Variants in MMP17 observed in about 807,000 individuals in gnomAD.
MMP17 encodes the protein matrix metalloproteinase-17.
Under a neutral mutation model 49.1 loss-of-function variants are expected in MMP17, and 54 were observed. The ratio of observed to expected loss-of-function variants is 1.10; its 90% CI spans 0.88 to 1.38. The LOEUF (loss-of-function observed/expected upper bound fraction) is 1.38. MMP17 is among the 40% of genes most tolerant of loss of function. The probability of loss-of-function intolerance (pLI) is 0.00; values close to 1 mark genes in which losing one functional copy is unlikely to be tolerated. For synonymous variants in MMP17, 397 were observed against 383.1 expected (o/e 1.04, Z -0.42); for missense variants, 837 against 853.7 (o/e 0.98, Z 0.24).
chr12:131,828,517 G>A lies in MMP17; in HGVS notation c.23G>A (p.Gly8Glu). The change falls in exon 1 of 10, where the codon GGA becomes GAA. Residue 8 changes from glycine to glutamate, a missense_variant. Coordinates refer to ENST00000360564, the MANE Select transcript of MMP17 (RefSeq NM_016155.7). MRRRAAR[G>E]PGPPPPGPGL... The stretch of plus-strand genomic sequence containing the variant: ...GCCATGCGGCGCCGCGCAGCCCGGG[G>A]ACCCGGCCCGCCGCCCCCAGGGCCC... The A allele has an allele frequency of 2.0e-6, 2 of 995,598 alleles. No homozygotes were observed. The highest frequency in any genetic ancestry group is 2.4e-6 in the Non-Finnish European group (2 of 838,076). 61.7% of individuals were successfully genotyped at this position (995,598 alleles called of 1,614,324 possible). A position where few individuals can be genotyped will look rare whatever the true frequency, so the allele number is the denominator to read the frequency against.
rs1288321565 is a variant in MMP17, at chr12:131,843,993, G to T, written c.884-4G>T. 1 of 1,548,712 alleles carries T rather than the reference G, an allele frequency of 6.5e-7. No homozygotes were observed. The highest frequency in any genetic ancestry group is 8.7e-7 in the Non-Finnish European group (1 of 1,148,130). The stretch of plus-strand genomic sequence containing the variant: ...GAGGCCGTCCTCCTCCTTGTCTCCC[G>T]CAGGTGTGCGGGAGTCTGTGTCTCC... On this transcript the variant is annotated splice_region_variant and splice_polypyrimidine_tract_variant and intron_variant, in intron 5 of 9. Coordinates refer to ENST00000360564, the MANE Select transcript of MMP17 (RefSeq NM_016155.7).
Position 131,851,116 on chromosome 12 carries a change from A to G in MMP17, c.1654A>G (p.Ser552Gly). 6.3e-7 allele frequency: 1 copy of G among 1,591,554 alleles called. No homozygotes were observed. The highest frequency in any genetic ancestry group is 8.5e-7 in the Non-Finnish European group (1 of 1,169,766). ...PRAPPGQHDQSRSEDGYEVCS... is the reference protein window; with the variant it reads ...PRAPPGQHDQGRSEDGYEVCS... ...CGCCCCTCCAGGACAACATGACCAG[A>G]GCCGCTCGGAGGACGGTTACGAGGT... Residue 552 changes from serine to glycine, a missense_variant, in exon 10 of 10, where the codon AGC (serine) becomes GGC (glycine). By Grantham distance (56) the Ser-to-Gly change is moderately conservative (BLOSUM62 0). Coordinates refer to ENST00000360564, the MANE Select transcript of MMP17 (RefSeq NM_016155.7).
chr12:131,833,020 G>T (rs1239146034), intron 1 of MMP17, among the ~76,000 whole-genome samples: 1 of 152,192 alleles, frequency 6.6e-6, no homozygotes, highest in Admixed American at 6.5e-5. Flanking sequence ...CAGCACAGTG[G>T]TCACAGGCGG....
At chr12:131,829,456 G>GC (rs1000671446) in intron 1 of MMP17, among the ~76,000 whole-genome samples, 5 of 151,938 alleles carry the variant, frequency 3.3e-5, no homozygotes, top group Admixed American at 1.3e-4. Context: ...TGGGGTCAGC[G>GC]CCCCCCCGCT....
Position 131,849,756 on chromosome 12 carries a change from G to C in MMP17, c.1205-46G>C, listed in dbSNP as rs542923780. ...GAAAGGCAGGAGCCTCCTGCCCTTC[G>C]GGGTGGGGCCGAGCCCCGGCCCACA... On this transcript the variant is annotated intron_variant, in intron 8 of 9. Transcript: ENST00000360564. 3.8e-6 allele frequency: 6 copies of C among 1,571,816 alleles called. No individual in the cohort carries two copies. The East Asian group carries it at 1.1e-4, about 29-fold the overall frequency.
At chr12:131,831,547 C>T (rs558271968) in intron 1 of MMP17, among the ~76,000 whole-genome samples, 1 of 152,024 alleles carries the variant, frequency 6.6e-6, no homozygotes, top group Admixed American at 6.5e-5. Flanking sequence ...TTCAGGCGAG[C>T]ACCCCCAGCC....
In MMP17 at chr12:131,838,266, G is replaced by A. The variant is rs1555257391; in HGVS notation, c.231G>A (p.Glu77=). The A allele has an allele frequency of 4.3e-6, 7 of 1,613,306 alleles. No individual in the cohort carries two copies. The South Asian group carries it at 6.6e-5, about 15-fold the overall frequency. ...CAGGGCAGCTGCAGACGCAAGAGGA[G>A]CTGTCTAAGGCCATCACAGCCATGC... ...PTTGQLQTQE[E]LSKAITAMQQ... is the part of the protein sequence containing the mutation. The change falls in exon 2 of 10, where the codon GAG becomes GAA. Residue 77 remains glutamate (E), a synonymous_variant. Coordinates refer to ENST00000360564, the MANE Select transcript of MMP17 (RefSeq NM_016155.7).
Position 131,849,101 on chromosome 12 carries a change from G to C in MMP17, c.1205-701G>C, listed in dbSNP as rs150941200. Among the ~76,000 whole-genome samples the C allele has an allele frequency of 3.8e-3, 582 of 152,330 alleles. 3 individuals are homozygous for C. Among genetic ancestry groups the C allele is most frequent in the African/African-American group, 0.013 (543 of 41,580 alleles). ...TTTCCACGTTCTTGACAGTGGGGGCGAGGGGGCGTCTCATTGTGGTTTTGA... is the reference window on the plus strand; with the variant it reads ...TTTCCACGTTCTTGACAGTGGGGGCCAGGGGGCGTCTCATTGTGGTTTTGA... On this transcript the variant is annotated intron_variant, in intron 8 of 9. Transcript: ENST00000360564.
intron 6 of MMP17, 179 bp from the exon 7 acceptor site, chr12:131,844,939 T>A: frequency 1.9e-6 from 1 of 534,522 alleles, no homozygotes; most frequent in Non-Finnish European, 3.3e-6. Flanking sequence ...CCCCGCCCGC[T>A]GAAGCGGTGG....
At chr12:131,837,979 GGATTAC>G in intron 1 of MMP17, 1 of 475,906 alleles carries the variant, frequency 2.1e-6, no homozygotes, top group South Asian at 5.5e-5. Context: ...CAAACTGCTG[GGATTAC>G]AGGCGTGAGC....
Position 131,833,017 on chromosome 12 carries a change from G to A in MMP17, c.159+4364G>A, listed in dbSNP as rs112062194. Among the ~76,000 whole-genome samples, 582 of 152,332 alleles carry A rather than the reference G, an allele frequency of 3.8e-3. 10 individuals are homozygous for A. The highest frequency in any genetic ancestry group is 0.013 in the African/African-American group (560 of 41,576). On this transcript the variant is annotated intron_variant, in intron 1 of 9. Transcript: ENST00000360564. ...CCATCCCTCACCCCCACACAGCACAGTGGTCACAGGCGGAGACCCGGAAGC... is the reference window on the plus strand; with the variant it reads ...CCATCCCTCACCCCCACACAGCACAATGGTCACAGGCGGAGACCCGGAAGC...
intron 3 of MMP17, among the ~76,000 whole-genome samples, chr12:131,839,866 T>G (rs1887293978): frequency 9.2e-6 from 1 of 108,290 alleles, no homozygotes; most frequent in Non-Finnish European, 2.1e-5. Context: ...GAGAATCACT[T>G]GAACCTGGGA....
chr12:131,828,843 A>G (rs1173687802), intron 1 of MMP17, among the ~76,000 whole-genome samples, 190 bp downstream of exon 1: 1 of 151,920 alleles, frequency 6.6e-6, no homozygotes, highest in Non-Finnish European at 1.5e-5. Context: ...GGGCGAGCGC[A>G]CGCGAGTCCT....
Position 131,846,772 on chromosome 12 carries a change from G to C in MMP17, c.1204+1323G>C, listed in dbSNP as rs1361256792. 1.3e-5 allele frequency among the ~76,000 whole-genome samples: 2 copies of C among 152,200 alleles called. No individual in the cohort carries two copies. The highest frequency in any genetic ancestry group is 4.8e-5 in the African/African-American group (2 of 41,464). ...TGAGATTCTGGGTGGATGTGAGTTT[G>C]GAGGACGTCATTCAATCCAATGTGG... On this transcript the variant is annotated intron_variant, in intron 8 of 9. Transcript: ENST00000360564. The surrounding 1 kb of genome is among the most constrained non-coding windows in gnomAD (Gnocchi z 4.6).
chr12:131,829,571 G>C (rs1326645360), intron 1 of MMP17, among the ~76,000 whole-genome samples: 1 of 152,186 alleles, frequency 6.6e-6, no homozygotes, highest in Non-Finnish European at 1.5e-5. Context: ...GCCAGGAGCC[G>C]AGGCCTCCCC....
rs760336943 is a variant in MMP17 at position 131,840,855 on chromosome 12, G to A, written c.705G>A (p.Ser235=). The A allele has an allele frequency of 1.4e-5, 22 of 1,591,316 alleles. No homozygotes were observed. The highest frequency in any genetic ancestry group is 2.7e-5 in the African/African-American group (2 of 74,780). Residue 235 remains serine, a splice_region_variant and synonymous_variant, in exon 4 of 10, where the codon TCG becomes TCA. Transcript: ENST00000360564. ...ACGAGGCCTGGACCTTCCGCTCCTC[G>A]GGTGCGTCTGGGGCAGCCCTCAGGG... ...DDDEAWTFRS[S]DAHGMDLFAV... is the part of the protein sequence containing the mutation.
intron 6 of MMP17, chr12:131,844,712 G>T: frequency 1.3e-5 from 3 of 237,256 alleles, no homozygotes; most frequent in Non-Finnish European, 1.7e-5. Flanking sequence ...CATGCACCTT[G>T]TCCCTGACCT....
intron 8 of MMP17, among the ~76,000 whole-genome samples, chr12:131,847,750 C>A (rs1038107084): frequency 2.6e-5 from 4 of 152,268 alleles, no homozygotes; most frequent in African/African-American, 9.6e-5. Context: ...CTGTGGTCAC[C>A]TGGATGAGGT....
chr12:131,841,683 T>A lies in MMP17; in HGVS notation c.766T>A (p.Leu256Ile). The A allele has an allele frequency of 6.2e-7, 1 of 1,614,018 alleles. No individual in the cohort carries two copies. ...AVHEFGHAIG[L>I]SHVAAAHSIM... Reference sequence around the variant, plus strand: ...CCACGAGTTTGGCCACGCCATTGGGTTAAGCCATGTGGCCGCTGCACACTC... The same window carrying A: ...CCACGAGTTTGGCCACGCCATTGGGATAAGCCATGTGGCCGCTGCACACTC... The change falls in exon 5 of 10, where the codon TTA becomes ATA. Residue 256 changes from leucine (L) to isoleucine (I), a missense_variant. Leu to Ile is a conservative substitution (Grantham distance 5). Coordinates refer to ENST00000360564, the MANE Select transcript of MMP17 (RefSeq NM_016155.7).
Sources: gnomAD v4.1 joint callset for allele counts (sites outside exome capture counted in the v4.1 genomes callset) on GRCh38, gnomAD v4.1.1 for gene constraint, Gnocchi (gnomAD v3.1) non-coding constraint, MANE v1.5 for transcripts, NCBI Gene and HGNC (gene_info 2026-07-23, HGNC 2026-07-21) for gene names.